Variants in PRC1 observed in about 807,000 individuals in gnomAD.
PRC1 encodes the protein anaphase spindle elongation 1 homolog.
A neutral mutation model predicts 91.2 loss-of-function variants in PRC1; 54 were observed. That is an observed-to-expected ratio of 0.59 (90% CI 0.48 to 0.74). PRC1 has a LOEUF of 0.74. Among genes scored for constraint, PRC1 ranks in the 30% least tolerant of loss-of-function variants. PRC1 has a pLI of 0.00. For synonymous variants in PRC1, 275 were observed against 263.6 expected, an observed-to-expected ratio of 1.04 and a Z score of -0.42; for missense variants, 727 against 746.2, an observed-to-expected ratio of 0.97 and a Z score of 0.30.
intron 14 of PRC1, chr15:90,968,818 T>G: frequency 2.4e-6 from 3 of 1,276,440 alleles, no homozygotes; most frequent in Admixed American, 3.3e-5. Flanking sequence ...TTGGGGAGGG[T>G]CAAGGTTTTC....
intron 14 of PRC1, 127 bp from the exon 15 acceptor site, chr15:90,967,329 A>C (rs746396299): frequency 5.5e-6 from 4 of 731,944 alleles, no homozygotes; most frequent in Admixed American, 4.3e-5. Flanking sequence ...CTAGCCTGCA[A>C]TAGGCTGCGT....
rs2038530954 is a variant in PRC1, at chr15:90,974,834, T to C, written c.1204-103A>G. Reference sequence around the variant, plus strand: ...GTGACTCCTCCTCCCCAGAGCATCATTAGCCTCATTTCAGGTAGCTGGGCC... The same window carrying C: ...GTGACTCCTCCTCCCCAGAGCATCACTAGCCTCATTTCAGGTAGCTGGGCC... On this transcript the variant is annotated intron_variant, in intron 9 of 14. Transcript: ENST00000394249. The surrounding 1 kb of genome is among the most constrained non-coding windows in gnomAD (Gnocchi z 4.6). 6 of 1,387,776 alleles carry C rather than the reference T, an allele frequency of 4.3e-6. No individual in the cohort carries two copies. Among genetic ancestry groups the C allele is most frequent in the Admixed American group, 1.8e-5 (1 of 56,950 alleles). The allele number at this position is 1,387,776 out of a possible 1,614,324, so 86.0% of individuals were successfully genotyped here.
At chr15:90,976,885 C>G (rs771838534) in intron 8 of PRC1, 114 bp from the exon 9 acceptor site, 2 of 802,968 alleles carry the variant, frequency 2.5e-6, no homozygotes, top group Non-Finnish European at 4.0e-6. Context: ...AATCCCAGCA[C>G]TTTGGGAGGC....
Position 90,984,010 on chromosome 15 carries a change from C to A in PRC1, c.267+8G>T, listed in dbSNP as rs767503520. The stretch of plus-strand genomic sequence containing the variant: ...AGATCACCAGAGACCCTGTGGGCTG[C>A]CACGGACCTGAAATGGCTCAACATG... On this transcript the variant is annotated splice_region_variant and intron_variant, in intron 3 of 14. Coordinates refer to ENST00000394249, the MANE Select transcript of PRC1 (RefSeq NM_003981.4). This position sits in a 1 kb window ranked among gnomAD's most constrained non-coding sequence, Gnocchi z 5.1. 7 of 1,613,418 alleles carry A rather than the reference C, an allele frequency of 4.3e-6. No individual in the cohort carries two copies. The highest frequency in any genetic ancestry group is 4.2e-6 in the Non-Finnish European group (5 of 1,179,566).
At chr15:90,970,596 G>T in intron 11 of PRC1, 82 bp from the exon 12 acceptor site, 1 of 960,810 alleles carries the variant, frequency 1.0e-6, no homozygotes, top group Non-Finnish European at 1.6e-6. Flanking sequence ...ACAGAGAAAT[G>T]ACTATGGGAG....
chr15:90,984,003 T>C lies in PRC1; in HGVS notation c.267+15A>G. On this transcript the variant is annotated intron_variant, in intron 3 of 14. Transcript: ENST00000394249. The surrounding 1 kb of genome is among the most constrained non-coding windows in gnomAD (Gnocchi z 5.1). ...CCCAGACAGATCACCAGAGACCCTG[T>C]GGGCTGCCACGGACCTGAAATGGCT... 6.2e-7 allele frequency: 1 copy of C among 1,613,664 alleles called. No homozygotes were observed. The highest frequency in any genetic ancestry group is 8.5e-7 in the Non-Finnish European group (1 of 1,179,638).
At position 90,994,472 on chromosome 15, in the gene PRC1, C is replaced by A; in HGVS notation, c.-55G>T. On this transcript the variant is annotated 5_prime_UTR_variant, in exon 1 of 15. Coordinates refer to ENST00000394249, the MANE Select transcript of PRC1 (RefSeq NM_003981.4). ...GGTCCAGACCTACTCCACACGGCCC[C>A]GAGAGCAACAACCACCCGCAAACAC... 1 of 1,590,178 alleles carries A rather than the reference C, an allele frequency of 6.3e-7. No homozygotes were observed. The highest frequency in any genetic ancestry group is 8.6e-7 in the Non-Finnish European group (1 of 1,167,144).
At chr15:90,990,882 G>A (rs1227980905) in intron 1 of PRC1, among the ~76,000 whole-genome samples, 13 of 151,582 alleles carry the variant, frequency 8.6e-5, no homozygotes, top group Admixed American at 5.9e-4. Flanking sequence ...GGGATCAAGC[G>A]ATTCTCCTGC....
chr15:90,982,348 C>CA (rs1316038059), intron 3 of PRC1, among the ~76,000 whole-genome samples: 1 of 152,206 alleles, frequency 6.6e-6, no homozygotes, highest in Non-Finnish European at 1.5e-5. Context: ...ACTTCATACT[C>CA]AAACAAATAA....
At chr15:90,992,048 T>C (rs920295071) in intron 1 of PRC1, among the ~76,000 whole-genome samples, 1 of 152,174 alleles carries the variant, frequency 6.6e-6, no homozygotes, top group African/African-American at 2.4e-5. Context: ...CTATCTCCCC[T>C]TAGGGCACTT....
intron 7 of PRC1, 144 bp downstream of exon 7, chr15:90,980,098 A>T: frequency 1.0e-6 from 1 of 956,620 alleles, no homozygotes; most frequent in South Asian, 2.6e-5. Flanking sequence ...TGAAGACCCC[A>T]CTTTTGGCTG....
At chr15:90,992,653 T>G (rs555082926) in intron 1 of PRC1, among the ~76,000 whole-genome samples, 1 of 152,244 alleles carries the variant, frequency 6.6e-6, no homozygotes, top group African/African-American at 2.4e-5. Context: ...ATGATACACT[T>G]AAATACTCCC....
intron 11 of PRC1, among the ~76,000 whole-genome samples, chr15:90,973,836 C>T (rs929056831): frequency 6.6e-6 from 1 of 152,012 alleles, no homozygotes; most frequent in African/African-American, 2.4e-5. Context: ...ACCTTCTCCC[C>T]ACTATCACCC....
chr15:90,980,112 G>T, intron 7 of PRC1, 130 bp downstream of exon 7: 2 of 1,166,676 alleles, frequency 1.7e-6, no homozygotes, highest in Non-Finnish European at 2.3e-6. Flanking sequence ...TTGGCTGGGT[G>T]TGGTGGCCCA....
rs761375031 is a variant in PRC1, at chr15:90,974,263, A to C, written c.1351-17T>G. 1 of 1,594,166 alleles carries C rather than the reference A, an allele frequency of 6.3e-7. No homozygotes were observed. On this transcript the variant is annotated splice_polypyrimidine_tract_variant and intron_variant, in intron 10 of 14. Transcript: ENST00000394249. This position sits in a 1 kb window ranked among gnomAD's most constrained non-coding sequence, Gnocchi z 4.6. The stretch of plus-strand genomic sequence containing the variant: ...CTTCAGTTGCTGTGTGAAAGTCAGA[A>C]GCAACAGTGATAAATCTCAGGAAGA...
chr15:90,970,882 C>T (rs76455201), intron 11 of PRC1, among the ~76,000 whole-genome samples: 3,531 of 152,274 alleles, frequency 0.023, 135 homozygotes, highest in African/African-American at 0.079. Flanking sequence ...CAAAAGCTGG[C>T]AACAGCCAAA....
chr15:90,971,092 T>C (rs914621609), intron 11 of PRC1, among the ~76,000 whole-genome samples: 2 of 152,160 alleles, frequency 1.3e-5, no homozygotes, highest in African/African-American at 4.8e-5. Flanking sequence ...AACTAATCTA[T>C]AGTTAGTTAA....
At position 90,970,417 on chromosome 15, in the gene PRC1, G is replaced by T; in HGVS notation, c.1559C>A (p.Pro520His). 2 of 1,606,564 alleles carry T rather than the reference G, an allele frequency of 1.2e-6. No individual in the cohort carries two copies. Among genetic ancestry groups the T allele is most frequent in the African/African-American group, 1.3e-5 (1 of 74,862 alleles). The change falls in exon 12 of 15, where the codon CCT (proline) becomes CAT (histidine). Residue 520 changes from proline to histidine, a missense_variant. By Grantham distance (77) the Pro-to-His change is moderately conservative. Transcript: ENST00000394249. ...VYHSPVSRLP[P>H]SGSKPVAAST... Reference sequence around the variant, plus strand: ...GGGCATACTAACCTTGCTGCCAGAAGGAGGAAGTCGAGACACGGGGGAGTG... The same window carrying T: ...GGGCATACTAACCTTGCTGCCAGAATGAGGAAGTCGAGACACGGGGGAGTG...
rs764248316 is a variant in PRC1, at chr15:90,980,894, A to G, written c.812T>C (p.Val271Ala). Residue 271 changes from valine (V) to alanine (A), a missense_variant, in exon 6 of 15, where the codon GTC (valine) becomes GCC (alanine). Transcript: ENST00000394249. ...ATIMSGSKAK[V>A]RKALQLEVDR... ...CACTGGGTTTCTTACCGCTTTCCGG[A>G]CCTTGGCCTTTGACCCAGACATAAT... The G allele has an allele frequency of 8.7e-6, 14 of 1,614,170 alleles. No individual in the cohort carries two copies. The South Asian group carries it at 1.4e-4, about 16-fold the overall frequency.
Sources: gnomAD v4.1 joint callset for allele counts (sites outside exome capture counted in the v4.1 genomes callset) on GRCh38, gnomAD v4.1.1 for gene constraint, Gnocchi (gnomAD v3.1) non-coding constraint, MANE v1.5 for transcripts, NCBI Gene and HGNC (gene_info 2026-07-23, HGNC 2026-07-21) for gene names.